Variants in NFATC1 observed in about 807,000 individuals in gnomAD.
NFATC1 encodes the protein nuclear factor of activated T cells 1, also known as nuclear factor of activated T-cells, cytoplasmic 1.
A neutral mutation model predicts 76.0 loss-of-function variants in NFATC1; 22 were observed. The observed-to-expected ratio is 0.29, with a 90% confidence interval of 0.21 to 0.41. The LOEUF (loss-of-function observed/expected upper bound fraction) is 0.41. Ranked by LOEUF, NFATC1 falls within the 10% of genes least tolerant of loss-of-function variation. The pLI is 1.00. For missense variants in NFATC1, 1,357 were observed against 1,337.7 expected, an observed-to-expected ratio of 1.01 and a Z score of -0.23; for synonymous variants, 704 against 613.1, an observed-to-expected ratio of 1.15 and a Z score of -2.19.
chr18:79,442,185 G>T (rs1051794035), intron 3 of NFATC1, among the ~76,000 whole-genome samples: 6 of 152,226 alleles, frequency 3.9e-5, no homozygotes, highest in African/African-American at 7.2e-5. Flanking sequence ...GTTCTCCACG[G>T]CAAGCACGGC....
rs2086915118 is a variant in NFATC1 at position 79,440,027 on chromosome 18, T to C, written c.1386+6289T>C. Among the ~76,000 whole-genome samples, 4 of 152,162 alleles carry C rather than the reference T, an allele frequency of 2.6e-5. No individual in the cohort carries two copies. The South Asian group carries it at 8.3e-4, about 32-fold the overall frequency. On this transcript the variant is annotated intron_variant, in intron 3 of 9. Coordinates refer to ENST00000427363, the MANE Select transcript of NFATC1 (RefSeq NM_001278669.2). ...TCTGCGACACTGATTTCTAACTACC[T>C]GTTCCACAGCTCCACTGCCTGGAAA...
At chr18:79,406,773 TCCCCCACCG>T (rs1394670977) in intron 1 of NFATC1, among the ~76,000 whole-genome samples, 1 of 150,352 alleles carries the variant, frequency 6.7e-6, no homozygotes, top group Non-Finnish European at 1.5e-5. Context: ...CCCTCGTGGG[TCCCCCACCG>T]CGCCTTCCTT....
chr18:79,423,119 G>A (rs899729097), intron 2 of NFATC1, among the ~76,000 whole-genome samples: 8 of 151,740 alleles, frequency 5.3e-5, no homozygotes, highest in Non-Finnish European at 7.4e-5. Flanking sequence ...CGTACAGAGG[G>A]GATGACTTCG....
chr18:79,480,285 C>T (rs569413891), intron 8 of NFATC1, among the ~76,000 whole-genome samples: 33 of 152,192 alleles, frequency 2.2e-4, no homozygotes, highest in Non-Finnish European at 3.5e-4. Flanking sequence ...CCTCTGTGGA[C>T]TGGAGCCCCA....
At chr18:79,522,510 G>T (rs187965250) in intron 9 of NFATC1, among the ~76,000 whole-genome samples, 1,847 of 127,530 alleles carry the variant, frequency 0.014, 21 homozygotes, top group Non-Finnish European at 0.021. Flanking sequence ...GTTTTGTGTG[G>T]GGGGGGTGCG....
At chr18:79,430,752 G>A (rs1024064225) in intron 2 of NFATC1, among the ~76,000 whole-genome samples, 2 of 152,216 alleles carry the variant, frequency 1.3e-5, no homozygotes, top group African/African-American at 4.8e-5. Flanking sequence ...GCCTGAGACG[G>A]GCACCGCCTC....
At chr18:79,468,266 A>G (rs1460584833) in intron 8 of NFATC1, 1 of 151,536 alleles carries the variant, frequency 6.6e-6, no homozygotes, top group Non-Finnish European at 1.5e-5. Flanking sequence ...CAGTCCCTGA[A>G]CCAGTAGAAG....
intron 2 of NFATC1, among the ~76,000 whole-genome samples, chr18:79,424,653 GTC>G (rs1246070486): frequency 5.8e-5 from 8 of 136,850 alleles, no homozygotes; most frequent in East Asian, 2.2e-4. Context: ...CTCTCTTTCC[GTC>G]TCTGTCTCTC....
In NFATC1 at chr18:79,529,103, A is replaced by T. The variant is rs947587811; in HGVS notation, c.*1526A>T. On this transcript the variant is annotated 3_prime_UTR_variant, in exon 10 of 10. Transcript: ENST00000427363. ...CAATCGCGTCTCTTGTGTCTCACTCACGGAAAGAAACAACCTGAAGGCCAT... is the reference window on the plus strand; with the variant it reads ...CAATCGCGTCTCTTGTGTCTCACTCTCGGAAAGAAACAACCTGAAGGCCAT... The T allele has an allele frequency of 6.6e-6, 1 of 152,278 alleles. No individual in the cohort carries two copies. The highest frequency in any genetic ancestry group is 1.9e-4 in the East Asian group (1 of 5,196). 9.4% of individuals were successfully genotyped at this position (152,278 alleles called of 1,614,324 possible). A position where few individuals can be genotyped will look rare whatever the true frequency, so the allele number is the denominator to read the frequency against.
Position 79,494,931 on chromosome 18 carries a change from G to A in NFATC1, c.2782+7994G>A, listed in dbSNP as rs545938176. Among the ~76,000 whole-genome samples the A allele has an allele frequency of 4.4e-4, 66 of 150,264 alleles. No individual in the cohort carries two copies. The South Asian group carries it at 0.013, about 29-fold the overall frequency. ...CGGGGGAAAGCGAGAGCGGGCACAC[G>A]CCCCCCATCAACCTGGTACGGCCGG... On this transcript the variant is annotated intron_variant, in intron 9 of 9. Transcript: ENST00000427363.
intron 1 of NFATC1, among the ~76,000 whole-genome samples, chr18:79,397,151 C>T (rs1337129178): frequency 2.0e-5 from 3 of 152,220 alleles, no homozygotes; most frequent in Non-Finnish European, 4.4e-5. Context: ...CCCCGGCACA[C>T]ACCCCTGGCG....
chr18:79,453,676 C>T (rs537873963), intron 6 of NFATC1, among the ~76,000 whole-genome samples: 77 of 152,336 alleles, frequency 5.1e-4, no homozygotes, highest in African/African-American at 1.8e-3. Flanking sequence ...CACCAGCCGG[C>T]GTCTGGTATA....
At chr18:79,423,108 G>A (rs117563792) in intron 2 of NFATC1, among the ~76,000 whole-genome samples, 1,717 of 151,696 alleles carry the variant, frequency 0.011, 19 homozygotes, top group Non-Finnish European at 0.018. Context: ...GGGTTGGGGC[G>A]CGTACAGAGG....
chr18:79,464,716 T>TA (rs2088377018), intron 7 of NFATC1, among the ~76,000 whole-genome samples: 1 of 88,206 alleles, frequency 1.1e-5, no homozygotes, highest in African/African-American at 4.5e-5. Context: ...ATTTATTTTT[T>TA]TTTTTTTGAG....
rs1208913831 is a variant in NFATC1, at chr18:79,400,268, C to T, written c.127+3917C>T. 3.8e-5 allele frequency: 37 copies of T among 968,846 alleles called. 1 individual carries two copies. Among genetic ancestry groups the T allele is most frequent in the South Asian group, 1.3e-4 (3 of 22,274 alleles). The allele number at this position is 968,846 out of a possible 1,614,324, so 60.0% of individuals were successfully genotyped here. A position where few individuals can be genotyped will look rare whatever the true frequency, so the allele number is the denominator to read the frequency against. On this transcript the variant is annotated intron_variant, in intron 1 of 9. Coordinates refer to ENST00000427363, the MANE Select transcript of NFATC1 (RefSeq NM_001278669.2). Reference sequence around the variant, plus strand: ...CCGGAAACGCCCCGGGGGGCGGGGGCGGGGCGGGGACGGGGGGAGGGGCGG... The same window carrying T: ...CCGGAAACGCCCCGGGGGGCGGGGGTGGGGCGGGGACGGGGGGAGGGGCGG...
At chr18:79,493,549 G>A (rs558786272) in intron 9 of NFATC1, 1 of 152,398 alleles carries the variant, frequency 6.6e-6, no homozygotes, top group East Asian at 1.9e-4. Flanking sequence ...CAACGAGCAG[G>A]TAGACGAGGC....
chr18:79,449,650 C>A (rs2087374077), intron 4 of NFATC1, among the ~76,000 whole-genome samples: 1 of 152,184 alleles, frequency 6.6e-6, no homozygotes. Context: ...CTGGAACGTG[C>A]AGACCAGCAG....
At chr18:79,526,497 G>C (rs2090768435) in intron 9 of NFATC1, among the ~76,000 whole-genome samples, 1 of 152,184 alleles carries the variant, frequency 6.6e-6, no homozygotes, top group Non-Finnish European at 1.5e-5. Flanking sequence ...ATGTCAGGAG[G>C]TGCTGCTGGC....
intron 6 of NFATC1, among the ~76,000 whole-genome samples, chr18:79,456,792 A>T (rs2087754062): frequency 6.6e-6 from 1 of 151,946 alleles, no homozygotes; most frequent in Admixed American, 6.5e-5. Flanking sequence ...GACCCGGGGG[A>T]TGGCTGCCTC....
Sources: allele counts gnomAD v4.1 joint callset (sites outside exome capture counted in the v4.1 genomes callset), GRCh38; gene constraint gnomAD v4.1.1; transcripts MANE v1.5; gene names NCBI Gene and HGNC (gene_info 2026-07-23, HGNC 2026-07-21).